MARCHF1: variants seen among roughly 807,000 people sequenced by gnomAD.
MARCHF1 encodes the protein E3 ubiquitin-protein ligase MARCHF1.
In MARCHF1, 40 loss-of-function variants were observed where a neutral mutation model predicts 54.2. The observed-to-expected ratio is 0.74, with a 90% CI of 0.57 to 0.96. The LOEUF (loss-of-function observed/expected upper bound fraction) is 0.96. Ranked by LOEUF, MARCHF1 falls within the 40% of genes least tolerant of loss-of-function variation. The pLI is 0.00. For missense variants in MARCHF1, 586 were observed against 656.5 expected, an observed-to-expected ratio of 0.89 and a Z score of 1.17; for synonymous variants, 236 against 236.3, an observed-to-expected ratio of 1.00 and a Z score of 0.01.
At position 163,855,238 on chromosome 4, in the gene MARCHF1, G is replaced by A. The variant is rs1467791823; in HGVS notation, c.-38-1069C>T. Among the ~76,000 whole-genome samples, 6 of 152,098 alleles carry A rather than the reference G, an allele frequency of 3.9e-5. No homozygotes were observed. The East Asian group carries it at 5.8e-4, about 15-fold the overall frequency. ...ATAAAAAAGATCTTTTATTAAAAAT[G>A]TCTAAGATACTCAACAGAATGGATT... On this transcript the variant is annotated intron_variant, in intron 3 of 9. Transcript: ENST00000514618.
At position 163,988,714 on chromosome 4, in the gene MARCHF1, A is replaced by C. The variant is rs1227611098; in HGVS notation, c.-247-5T>G. 6.6e-6 allele frequency: 1 copy of C among 152,208 alleles called. No homozygotes were observed. The highest frequency in any genetic ancestry group is 1.5e-5 in the Non-Finnish European group (1 of 68,058). The allele number at this position is 152,208 out of a possible 1,614,324, so 9.4% of individuals were successfully genotyped here. ...CTTGCTTTGCCAAGCTCAGGTCTAA[A>C]CAAAGAGGGGAAAAATAGTGTTTGA... On this transcript the variant is annotated splice_polypyrimidine_tract_variant and splice_region_variant and intron_variant, in intron 2 of 9. Transcript: ENST00000514618.
At chr4:163,973,197 C>G (rs986856970) in intron 3 of MARCHF1, among the ~76,000 whole-genome samples, 1 of 152,212 alleles carries the variant, frequency 6.6e-6, no homozygotes, top group Non-Finnish European at 1.5e-5. Flanking sequence ...TAACAGATTT[C>G]TGTTGCTGTA....
intron 1 of MARCHF1, among the ~76,000 whole-genome samples, chr4:164,120,658 C>T (rs1756047432): frequency 6.6e-6 from 1 of 151,886 alleles, no homozygotes; most frequent in East Asian, 1.9e-4. Flanking sequence ...CTGAATAAAA[C>T]TAGAAATTAA....
intron 1 of MARCHF1, among the ~76,000 whole-genome samples, chr4:164,253,098 T>C (rs1385140269): frequency 6.6e-6 from 1 of 151,964 alleles, no homozygotes; most frequent in Admixed American, 6.6e-5. Flanking sequence ...ATAATAGACA[T>C]GAAGAAACAT....
chr4:163,706,482 T>C (rs866813924), intron 4 of MARCHF1, among the ~76,000 whole-genome samples: 4 of 151,984 alleles, frequency 2.6e-5, no homozygotes, highest in African/African-American at 7.2e-5. Flanking sequence ...GCAATAAATA[T>C]CCAGAAATGC....
At chr4:164,330,874 A>ATCACAGAT (rs1209071770) in intron 1 of MARCHF1, among the ~76,000 whole-genome samples, 3 of 152,208 alleles carry the variant, frequency 2.0e-5, no homozygotes, top group African/African-American at 7.2e-5. Flanking sequence ...AAAAATATAA[A>ATCACAGAT]TCACAGATTT....
At chr4:163,865,209 A>G (rs536008401) in intron 3 of MARCHF1, among the ~76,000 whole-genome samples, 14 of 151,938 alleles carry the variant, frequency 9.2e-5, no homozygotes, top group Non-Finnish European at 1.9e-4. Flanking sequence ...AGGGTAAAGA[A>G]AAGGAAGCTT....
At chr4:163,974,392 G>C (rs890069442) in intron 3 of MARCHF1, among the ~76,000 whole-genome samples, 4 of 152,158 alleles carry the variant, frequency 2.6e-5, no homozygotes, top group Non-Finnish European at 4.4e-5. Flanking sequence ...AGCTATGTGT[G>C]GGTGTTTCAG....
intron 1 of MARCHF1, among the ~76,000 whole-genome samples, chr4:164,148,302 A>T (rs1422311775): frequency 1.3e-5 from 2 of 152,172 alleles, no homozygotes; most frequent in Admixed American, 6.6e-5. Context: ...TTCCAAAATC[A>T]ATCAATATCA....
intron 1 of MARCHF1, among the ~76,000 whole-genome samples, chr4:164,352,498 A>T (rs1730378526): frequency 7.0e-6 from 1 of 142,796 alleles, no homozygotes; most frequent in Non-Finnish European, 1.5e-5. Flanking sequence ...AGAATTTCAT[A>T]TCCAGCCAAA....
intron 2 of MARCHF1, among the ~76,000 whole-genome samples, chr4:164,080,657 T>C (rs993057762): frequency 2.0e-5 from 3 of 150,518 alleles, no homozygotes; most frequent in African/African-American, 7.4e-5. Context: ...ATTGTGTGTG[T>C]GTGTGTGTGT....
At chr4:163,766,855 T>C (rs1746991363) in intron 4 of MARCHF1, among the ~76,000 whole-genome samples, 2 of 152,174 alleles carry the variant, frequency 1.3e-5, no homozygotes, top group South Asian at 4.1e-4. Context: ...AGAGCTTTCC[T>C]TATCATTTTG....
At chr4:163,577,319 A>G (rs964266035) in intron 8 of MARCHF1, among the ~76,000 whole-genome samples, 4 of 151,850 alleles carry the variant, frequency 2.6e-5, no homozygotes, top group Admixed American at 2.6e-4. Flanking sequence ...AAAATATTTT[A>G]TTTGTCCTTT....
At chr4:164,348,481 A>G (rs1280673994) in intron 1 of MARCHF1, among the ~76,000 whole-genome samples, 1 of 152,160 alleles carries the variant, frequency 6.6e-6, no homozygotes, top group Non-Finnish European at 1.5e-5. Context: ...AGACATAGAT[A>G]TGACGTAGCT....
intron 1 of MARCHF1, among the ~76,000 whole-genome samples, chr4:164,146,942 T>A (rs576668302): frequency 6.7e-6 from 1 of 149,694 alleles, no homozygotes; most frequent in African/African-American, 2.5e-5. Flanking sequence ...AGGGCTAATA[T>A]CCAGAATCTA....
intron 2 of MARCHF1, among the ~76,000 whole-genome samples, chr4:164,026,824 A>T (rs576494654): frequency 2.0e-5 from 3 of 152,262 alleles, no homozygotes; most frequent in African/African-American, 7.2e-5. Context: ...ATATGATTAC[A>T]TACCTAGAAT....
At chr4:163,743,572 A>G (rs954539158) in intron 4 of MARCHF1, among the ~76,000 whole-genome samples, 1 of 130,722 alleles carries the variant, frequency 7.6e-6, no homozygotes, top group Non-Finnish European at 1.6e-5. Flanking sequence ...AAGATGATAC[A>G]CCATCTTTTT....
chr4:163,788,960 A>G (rs1747695604), intron 4 of MARCHF1, among the ~76,000 whole-genome samples: 1 of 152,046 alleles, frequency 6.6e-6, no homozygotes, highest in African/African-American at 2.4e-5. Context: ...TTCTCCATAA[A>G]GTTTTTTCCA....
At chr4:163,557,688 T>TA (rs1418555643) in intron 8 of MARCHF1, among the ~76,000 whole-genome samples, 1 of 150,382 alleles carries the variant, frequency 6.6e-6, no homozygotes, top group African/African-American at 2.4e-5. Flanking sequence ...GGAAACCTAA[T>TA]AAAAATGGGT....
Sources: allele counts gnomAD v4.1 joint callset (sites outside exome capture counted in the v4.1 genomes callset), GRCh38; gene constraint gnomAD v4.1.1; transcripts MANE v1.5; gene names NCBI Gene and HGNC (gene_info 2026-07-23, HGNC 2026-07-21).